DIP2C: variants seen among roughly 807,000 people sequenced by gnomAD.
DIP2C encodes DIP2 acetate--CoA ligase C (putative), also known as disco-interacting protein 2 homolog C.
A neutral mutation model predicts 192.4 loss-of-function variants in DIP2C; 33 were observed. The observed-to-expected ratio is 0.17, with a 90% CI of 0.13 to 0.23. DIP2C has a LOEUF of 0.23. DIP2C is among the 10% of genes least tolerant of loss of function. DIP2C has a pLI of 1.00. For missense variants in DIP2C, 1,537 were observed against 2,110.1 expected (o/e 0.73, Z 5.32); for synonymous variants, 979 against 864.1 (o/e 1.13, Z -2.33).
chr10:334,168 G>A (rs1158968935), intron 29 of DIP2C, among the ~76,000 whole-genome samples: 1 of 152,040 alleles, frequency 6.6e-6, no homozygotes, highest in East Asian at 1.9e-4. Context: ...ATAGCCAGGT[G>A]TGGTGGTGCA....
At chr10:472,708 T>C (rs1488758935) in intron 2 of DIP2C, among the ~76,000 whole-genome samples, 159 bp from the exon 3 acceptor site, 1 of 152,144 alleles carries the variant, frequency 6.6e-6, no homozygotes, top group Admixed American at 6.5e-5. Context: ...GGGCCAGGAC[T>C]GAGGAGGAAG....
At chr10:495,503 A>G (rs1235403941) in intron 1 of DIP2C, among the ~76,000 whole-genome samples, 1 of 151,862 alleles carries the variant, frequency 6.6e-6, no homozygotes, top group African/African-American at 2.4e-5. Flanking sequence ...CTCCCTAAAA[A>G]CTATAGGTTT....
chr10:353,901 G>A (rs1019741917), intron 24 of DIP2C, among the ~76,000 whole-genome samples: 3 of 152,202 alleles, frequency 2.0e-5, no homozygotes, highest in African/African-American at 7.2e-5. Context: ...TCTGTATGTG[G>A]CGTGTACTGA....
At chr10:658,274 T>A (rs1302305631) in intron 1 of DIP2C, among the ~76,000 whole-genome samples, 1 of 150,916 alleles carries the variant, frequency 6.6e-6, no homozygotes, top group East Asian at 2.0e-4. Flanking sequence ...GACCTGCCCC[T>A]GGACCTGCCC....
At chr10:479,422 C>T (rs562166778) in intron 2 of DIP2C, among the ~76,000 whole-genome samples, 1 of 150,824 alleles carries the variant, frequency 6.6e-6, no homozygotes, top group Admixed American at 6.6e-5. Context: ...CAACATCTGC[C>T]TCCCAGGTTC....
chr10:352,506 A>T (rs927686611), intron 24 of DIP2C, among the ~76,000 whole-genome samples: 2 of 152,252 alleles, frequency 1.3e-5, no homozygotes, highest in Non-Finnish European at 2.9e-5. Context: ...AGGGTGATTT[A>T]AATTAAGTTC....
chr10:649,101 T>A lies in DIP2C; in HGVS notation c.85+40393A>T, dbSNP rs536785779. On this transcript the variant is annotated intron_variant, in intron 1 of 36. Coordinates refer to ENST00000280886, the MANE Select transcript of DIP2C (RefSeq NM_014974.3). ...TAGGGAAACTGAGTCCACGTCCACA[T>A]TGGACGGTGGGAGAGAACAGAGCGA... Among the ~76,000 whole-genome samples, 4 of 148,058 alleles carry A rather than the reference T, an allele frequency of 2.7e-5. No homozygotes were observed. In the East Asian group the frequency reaches 8.0e-4, roughly 30 times the overall value.
At chr10:300,552 A>T (rs904069330) in intron 32 of DIP2C, among the ~76,000 whole-genome samples, 1 of 152,158 alleles carries the variant, frequency 6.6e-6, no homozygotes, top group African/African-American at 2.4e-5. Context: ...AACCAGAACC[A>T]GGAGCAGCCC....
intron 1 of DIP2C, among the ~76,000 whole-genome samples, chr10:647,156 T>A (rs1330560264): frequency 6.7e-6 from 1 of 150,302 alleles, no homozygotes; most frequent in Non-Finnish European, 1.5e-5. Flanking sequence ...AGAGGAAAAC[T>A]GAGTCCACAT....
chr10:388,894 G>A (rs1363742227), intron 13 of DIP2C, among the ~76,000 whole-genome samples: 3 of 152,118 alleles, frequency 2.0e-5, no homozygotes, highest in African/African-American at 7.2e-5. Context: ...AGCCTCAGGG[G>A]GTCTCCGGAG....
chr10:447,962 A>C (rs12779995), intron 3 of DIP2C, among the ~76,000 whole-genome samples: 2,134 of 42,238 alleles, frequency 0.051, no homozygotes, highest in Middle Eastern at 0.058. Context: ...GCAGGACCCA[A>C]TCACCCCCGT....
At chr10:412,162 G>A (rs890103625) in intron 8 of DIP2C, among the ~76,000 whole-genome samples, 10 of 152,170 alleles carry the variant, frequency 6.6e-5, no homozygotes, top group Admixed American at 2.0e-4. Flanking sequence ...AGAGAGTGGC[G>A]ATCCTTCTGA....
intron 1 of DIP2C, among the ~76,000 whole-genome samples, chr10:618,813 ACACGGCCACGTTCAGGCTGAAGCCG>A (rs1193299953): frequency 1.3e-5 from 2 of 152,234 alleles, no homozygotes; most frequent in African/African-American, 4.8e-5. Flanking sequence ...CTGCTCAGCC[ACACGGCCACGTTCAGGCTGAAGCCG>A]CACGATCGCC....
At chr10:415,015 T>C (rs1238305142) in intron 7 of DIP2C, among the ~76,000 whole-genome samples, 1 of 151,258 alleles carries the variant, frequency 6.6e-6, no homozygotes, top group Non-Finnish European at 1.5e-5. Flanking sequence ...GTGCTGGAAT[T>C]ATAGGCATGA....
At chr10:544,031 TGCCA>T (rs1334481060) in intron 1 of DIP2C, among the ~76,000 whole-genome samples, 2 of 151,796 alleles carry the variant, frequency 1.3e-5, no homozygotes, top group Non-Finnish European at 3.0e-5. Context: ...TGACCTTTGG[TGCCA>T]GCATCTTTCA....
At chr10:600,729 CTCATT>C (rs1328426508) in intron 1 of DIP2C, among the ~76,000 whole-genome samples, 1 of 152,202 alleles carries the variant, frequency 6.6e-6, no homozygotes, top group Non-Finnish European at 1.5e-5. Context: ...TTTTCACAGT[CTCATT>C]TCATTCTCCA....
Position 651,509 on chromosome 10 carries a change from C to T in DIP2C, c.85+37985G>A, listed in dbSNP as rs555417726. On this transcript the variant is annotated intron_variant, in intron 1 of 36. Coordinates refer to ENST00000280886, the MANE Select transcript of DIP2C (RefSeq NM_014974.3). The surrounding 1 kb of genome is among the most constrained non-coding windows in gnomAD (Gnocchi z 4.1). ...ACAATTATATGAAAATCCGTATCCA[C>T]GTGAAGGTATTATGCAAAAAAAGCT... 6 of 540,780 alleles carry T rather than the reference C, an allele frequency of 1.1e-5. No homozygotes were observed. The highest frequency in any genetic ancestry group is 2.7e-5 in the Admixed American group (1 of 37,004). The allele number at this position is 540,780 out of a possible 1,614,324, so 33.5% of individuals were successfully genotyped here. A position where few individuals can be genotyped will look rare whatever the true frequency, so the allele number is the denominator to read the frequency against.
rs1224184591 is a variant in DIP2C, at chr10:417,646, CCCTGTCCACCTGTTCCTGTCAGGGCTCG to C, written c.739+1391_739+1418del. Reference sequence around the variant, plus strand: ...CGCCTGTCAGGGCTCGGATAGGCCTCCCTGTCCACCTGTTCCTGTCAGGGCTCGGATAGGCCTCCCTGTCCGCCTGTGC... The same window carrying C: ...CGCCTGTCAGGGCTCGGATAGGCCTCGATAGGCCTCCCTGTCCGCCTGTGC... On this transcript the variant is annotated intron_variant, in intron 6 of 36. Coordinates refer to ENST00000280886, the MANE Select transcript of DIP2C (RefSeq NM_014974.3). Among the ~76,000 whole-genome samples the C allele has an allele frequency of 0.022, 328 of 14,920 alleles. 11 individuals are homozygous for C. The Middle Eastern group carries it at 0.26, about 12-fold the overall frequency. 9.8% of individuals were successfully genotyped at this position (14,920 alleles called of 152,430 possible).
chr10:568,357 T>TG (rs1427428395), intron 1 of DIP2C, among the ~76,000 whole-genome samples: 4 of 151,972 alleles, frequency 2.6e-5, no homozygotes, highest in Non-Finnish European at 5.9e-5. Context: ...TACCGTGGGG[T>TG]GAGACGCTGT....
Sources: allele counts gnomAD v4.1 joint callset (sites outside exome capture counted in the v4.1 genomes callset), GRCh38; gene constraint gnomAD v4.1.1; non-coding constraint Gnocchi (gnomAD v3.1); transcripts MANE v1.5; gene names NCBI Gene and HGNC (gene_info 2026-07-23, HGNC 2026-07-21).